Variants in RBM48 observed in about 807,000 individuals in gnomAD.
RBM48 encodes RNA binding motif protein 48, also known as RNA-binding protein 48.
RBM48 carries 32 observed loss-of-function variants against 34.8 expected under a neutral mutation model. The ratio of observed to expected loss-of-function variants is 0.92; its 90% CI spans 0.69 to 1.23. The LOEUF is 1.23. RBM48 is among the 50% of genes most tolerant of loss of function. The pLI, the probability that RBM48 is intolerant of heterozygous loss-of-function variation, is 0.00. For missense variants in RBM48, 441 were observed against 447.2 expected (o/e 0.99, Z 0.12); for synonymous variants, 151 against 156.2 (o/e 0.97, Z 0.25).
chr7:92,536,244 C>T (rs1330385051), intron 4 of RBM48: 1 of 984,058 alleles, frequency 1.0e-6, no homozygotes, highest in Non-Finnish European at 1.2e-6. Flanking sequence ...ATTACATTTT[C>T]AAGATAAACG....
Position 92,539,493 on chromosome 7 carries a change from G to C in RBM48, c.*2556G>C, listed in dbSNP as rs2116339094. 6.6e-6 allele frequency among the ~76,000 whole-genome samples: 1 copy of C among 152,308 alleles called. No individual in the cohort carries two copies. Among genetic ancestry groups the C allele is most frequent in the Non-Finnish European group, 1.5e-5 (1 of 68,024 alleles). Reference sequence around the variant, plus strand: ...AAGGTGGGAGGATCACCTGAGGTCAGGAGTTCAAGGCCAGCCTGGCCAACA... The same window carrying C: ...AAGGTGGGAGGATCACCTGAGGTCACGAGTTCAAGGCCAGCCTGGCCAACA... On this transcript the variant is annotated 3_prime_UTR_variant, in exon 5 of 5. Coordinates refer to ENST00000265732, the MANE Select transcript of RBM48 (RefSeq NM_032120.4).
At position 92,531,511 on chromosome 7, in the gene RBM48, G is replaced by C. The variant is rs115973704; in HGVS notation, c.303-893G>C. Among the ~76,000 whole-genome samples, 1,393 of 152,296 alleles carry C rather than the reference G, an allele frequency of 9.1e-3. 17 individuals are homozygous for C. Among genetic ancestry groups the C allele is most frequent in the African/African-American group, 0.032 (1,312 of 41,562 alleles). On this transcript the variant is annotated intron_variant, in intron 2 of 4. Transcript: ENST00000265732. ...TCTTGTGCTATCAGTAGAACTCATAGTCTACCACAAAAGCACTTGATTTTA... is the reference window on the plus strand; with the variant it reads ...TCTTGTGCTATCAGTAGAACTCATACTCTACCACAAAAGCACTTGATTTTA...
In RBM48 at chr7:92,537,821, T is replaced by C. The variant is rs535469161; in HGVS notation, c.*884T>C. Reference sequence around the variant, plus strand: ...GAAATTTCAGTACATCTAGACTGTCTCTATTTTCTTTTTCTTTTTTTATTT... The same window carrying C: ...GAAATTTCAGTACATCTAGACTGTCCCTATTTTCTTTTTCTTTTTTTATTT... On this transcript the variant is annotated 3_prime_UTR_variant, in exon 5 of 5. Coordinates refer to ENST00000265732, the MANE Select transcript of RBM48 (RefSeq NM_032120.4). 1.1e-4 allele frequency: 17 copies of C among 152,294 alleles called. No homozygotes were observed. Among genetic ancestry groups the C allele is most frequent in the Admixed American group, 3.3e-4 (5 of 15,292 alleles). 9.4% of individuals were successfully genotyped at this position (152,294 alleles called of 1,614,324 possible). A position where few individuals can be genotyped will look rare whatever the true frequency, so the allele number is the denominator to read the frequency against.
Position 92,539,997 on chromosome 7 carries a change from GT to G in RBM48, c.*3063del, listed in dbSNP as rs1425665515. ...AGCAAGCCAATATACCCTGGATTTG[GT>G]TTGGGAAATACACCATACTTACAGG... On this transcript the variant is annotated 3_prime_UTR_variant, in exon 5 of 5. Transcript: ENST00000265732. Among the ~76,000 whole-genome samples the G allele has an allele frequency of 3.9e-5, 6 of 152,196 alleles. No homozygotes were observed. The highest frequency in any genetic ancestry group is 1.4e-4 in the African/African-American group (6 of 41,454).
At position 92,534,603 on chromosome 7, in the gene RBM48, C is replaced by T. The variant is rs1390352347; in HGVS notation, c.650C>T (p.Pro217Leu). 5 of 1,613,980 alleles carry T rather than the reference C, an allele frequency of 3.1e-6. No individual in the cohort carries two copies. The highest frequency in any genetic ancestry group is 1.7e-5 in the Admixed American group (1 of 59,984). ...SSKCMCSSGG[P>L]VDRAPDSSKD... ...AAATGTATGTGTTCATCCGGGGGACCTGTAGACAGAGCACCAGACTCCTCT... is the reference window on the plus strand; with the variant it reads ...AAATGTATGTGTTCATCCGGGGGACTTGTAGACAGAGCACCAGACTCCTCT... Residue 217 changes from proline (P) to leucine (L), a missense_variant, in exon 4 of 5, where the codon CCT becomes CTT. By Grantham distance (98) the Pro-to-Leu change is moderately conservative (BLOSUM62 -3). Coordinates refer to ENST00000265732, the MANE Select transcript of RBM48 (RefSeq NM_032120.4).
chr7:92,537,011 CAA>C lies in RBM48; in HGVS notation c.*75_*76del. The C allele has an allele frequency of 8.9e-7, 1 of 1,120,912 alleles. No individual in the cohort carries two copies. Among genetic ancestry groups the C allele is most frequent in the Non-Finnish European group, 1.3e-6 (1 of 793,048 alleles). The allele number at this position is 1,120,912 out of a possible 1,614,324, so 69.4% of individuals were successfully genotyped here. On this transcript the variant is annotated 3_prime_UTR_variant, in exon 5 of 5. Coordinates refer to ENST00000265732, the MANE Select transcript of RBM48 (RefSeq NM_032120.4). ...TTTTTAGCCTGTCATTTTAATTCTTCAAGAGATTTTACTGCTGGTATTTTTTA... is the reference window on the plus strand; with the variant it reads ...TTTTTAGCCTGTCATTTTAATTCTTCGAGATTTTACTGCTGGTATTTTTTA...
In RBM48 at chr7:92,538,720, C is replaced by CTGG. The variant is rs140235469; in HGVS notation, c.*1796_*1798dup. 1.7e-4 allele frequency among the ~76,000 whole-genome samples: 26 copies of CTGG among 152,074 alleles called. No homozygotes were observed. Among genetic ancestry groups the CTGG allele is most frequent in the African/African-American group, 4.6e-4 (19 of 41,400 alleles). ...TCAGGATCTTGTTAAAATGCAGATT[C>CTGG]TGGTGGTGGTGGTGGCCAGGGGCTG... On this transcript the variant is annotated 3_prime_UTR_variant, in exon 5 of 5. Coordinates refer to ENST00000265732, the MANE Select transcript of RBM48 (RefSeq NM_032120.4).
At position 92,528,808 on chromosome 7, in the gene RBM48, G is replaced by C. The variant is rs940073608; in HGVS notation, c.-6G>C. 2.5e-6 allele frequency: 4 copies of C among 1,612,914 alleles called. No individual in the cohort carries two copies. The African/African-American group carries it at 5.3e-5, about 22-fold the overall frequency. On this transcript the variant is annotated 5_prime_UTR_variant, in exon 1 of 5. Coordinates refer to ENST00000265732, the MANE Select transcript of RBM48 (RefSeq NM_032120.4). ...TGTCCTCCCTGCGAGGATCAAAGTA[G>C]GCAAGATGGCGTCGAGCGGCGGGGA...
rs748055093 is a variant in RBM48 at position 92,536,906 on chromosome 7, G to A, written c.1073G>A (p.Ser358Asn). Reference sequence around the variant, plus strand: ...GACAAGCCAGAAGATGTACATACAAGTCATCCATTAAAACAAAGAAGAAGA... The same window carrying A: ...GACAAGCCAGAAGATGTACATACAAATCATCCATTAAAACAAAGAAGAAGA... ...PEDKPEDVHTSHPLKQRRRI is the reference protein window; with the variant it reads ...PEDKPEDVHTNHPLKQRRRI Residue 358 changes from serine (S) to asparagine (N), a missense_variant, in exon 5 of 5, where the codon AGT becomes AAT. By Grantham distance (46) the Ser-to-Asn change is conservative. Transcript: ENST00000265732. 3 of 1,608,844 alleles carry A rather than the reference G, an allele frequency of 1.9e-6. No homozygotes were observed. Among genetic ancestry groups the A allele is most frequent in the Admixed American group, 3.4e-5 (2 of 59,324 alleles).
intron 4 of RBM48, chr7:92,535,200 C>T: frequency 7.1e-7 from 1 of 1,400,720 alleles, no homozygotes; most frequent in African/African-American, 1.5e-5. Context: ...ACTGTAGATA[C>T]AAAATATTAA....
chr7:92,536,232 T>C (rs945255284), intron 4 of RBM48: 2 of 984,666 alleles, frequency 2.0e-6, no homozygotes, highest in Non-Finnish European at 2.4e-6. Flanking sequence ...CAACCAGAGC[T>C]GATTACATTT....
At position 92,538,089 on chromosome 7, in the gene RBM48, G is replaced by A. The variant is rs183315533; in HGVS notation, c.*1152G>A. 6 of 152,308 alleles carry A rather than the reference G, an allele frequency of 3.9e-5. No individual in the cohort carries two copies. Among genetic ancestry groups the A allele is most frequent in the Admixed American group, 3.3e-4 (5 of 15,292 alleles). 9.4% of individuals were successfully genotyped at this position (152,308 alleles called of 1,614,324 possible). On this transcript the variant is annotated 3_prime_UTR_variant, in exon 5 of 5. Transcript: ENST00000265732. ...TGAATTTGAACATACCAGTTAATAA[G>A]GTTCAATTTCAGCTATGATGTACTT...
chr7:92,531,765 A>G (rs1793581154), intron 2 of RBM48, among the ~76,000 whole-genome samples: 1 of 152,208 alleles, frequency 6.6e-6, no homozygotes, highest in South Asian at 2.1e-4. Context: ...GTTTCATTAC[A>G]GTGTTGTTTT....
At position 92,537,265 on chromosome 7, in the gene RBM48, T is replaced by A. The variant is rs572540550; in HGVS notation, c.*328T>A. 1.9e-3 allele frequency: 315 copies of A among 168,590 alleles called. 1 individual carries two copies. Among genetic ancestry groups the A allele is most frequent in the African/African-American group, 6.9e-3 (290 of 41,748 alleles). 10.4% of individuals were successfully genotyped at this position (168,590 alleles called of 1,614,324 possible). A position where few individuals can be genotyped will look rare whatever the true frequency, so the allele number is the denominator to read the frequency against. ...GCCTGGCTAAGTTTTGTGTTTTTTT[T>A]AGTAGAGATGGGTTTTCACCATATT... On this transcript the variant is annotated 3_prime_UTR_variant, in exon 5 of 5. Transcript: ENST00000265732.
At chr7:92,532,128 A>G (rs1367997823) in intron 2 of RBM48, among the ~76,000 whole-genome samples, 1 of 152,188 alleles carries the variant, frequency 6.6e-6, no homozygotes, top group African/African-American at 2.4e-5. Flanking sequence ...CACAGTTTAC[A>G]TACTTCAGGC....
chr7:92,530,515 G>A (rs965009923), intron 2 of RBM48, among the ~76,000 whole-genome samples: 2 of 150,040 alleles, frequency 1.3e-5, no homozygotes, highest in Admixed American at 1.3e-4. Flanking sequence ...AAAAATTCTG[G>A]TTTGACGCCA....
chr7:92,532,637 G>T, intron 3 of RBM48, 88 bp downstream of exon 3: 1 of 919,266 alleles, frequency 1.1e-6, no homozygotes, highest in Non-Finnish European at 1.7e-6. Flanking sequence ...AGTGGTAGGA[G>T]AGGCAAGTAA....
At chr7:92,532,201 G>C (rs1205534088) in intron 2 of RBM48, among the ~76,000 whole-genome samples, 1 of 152,174 alleles carries the variant, frequency 6.6e-6, no homozygotes, top group Non-Finnish European at 1.5e-5. Flanking sequence ...GGGAAGGAAA[G>C]GGGAGGCTCT....
In RBM48 at chr7:92,534,848, C is replaced by G; in HGVS notation, c.895C>G (p.Gln299Glu). 2 of 1,614,204 alleles carry G rather than the reference C, an allele frequency of 1.2e-6. No homozygotes were observed. Among genetic ancestry groups the G allele is most frequent in the Middle Eastern group, 1.6e-4 (1 of 6,062 alleles). The change falls in exon 4 of 5, where the codon CAA (glutamine) becomes GAA (glutamate). Residue 299 changes from glutamine (Q) to glutamate (E), a missense_variant. Physicochemically the swap from Gln to Glu is conservative, Grantham distance 29. Coordinates refer to ENST00000265732, the MANE Select transcript of RBM48 (RefSeq NM_032120.4). ...EDDRKLGTFL[Q>E]TNPTGNEIMI... is the part of the protein sequence containing the mutation. ...TGATCGTAAACTTGGAACTTTTCTTCAAACAAACCCAACTGGTAATGAGAT... is the reference window on the plus strand; with the variant it reads ...TGATCGTAAACTTGGAACTTTTCTTGAAACAAACCCAACTGGTAATGAGAT...
Sources: allele counts gnomAD v4.1 joint callset (sites outside exome capture counted in the v4.1 genomes callset), GRCh38; gene constraint gnomAD v4.1.1; transcripts MANE v1.5; gene names NCBI Gene and HGNC (gene_info 2026-07-23, HGNC 2026-07-21).